The following UBTF variants were observed in gnomAD, a reference collection of about 807,000 sequenced individuals.
The protein encoded by UBTF is nucleolar transcription factor 1.
In UBTF, 8 loss-of-function variants were observed where a neutral mutation model predicts 112.3. That is an observed-to-expected ratio of 0.07 (90% CI 0.04 to 0.13). The LOEUF (loss-of-function observed/expected upper bound fraction) is 0.13. Ranked by LOEUF, UBTF falls within the 10% of genes least tolerant of loss-of-function variation. UBTF has a pLI of 1.00. For missense variants in UBTF, 457 were observed against 982.1 expected, an observed-to-expected ratio of 0.47 and a Z score of 7.15; for synonymous variants, 417 against 373.1, an observed-to-expected ratio of 1.12 and a Z score of -1.36.
In UBTF at chr17:44,207,846, C is replaced by A. The variant is rs1207371536; in HGVS notation, c.1953+18G>T. The A allele has an allele frequency of 6.2e-7, 1 of 1,614,156 alleles. No individual in the cohort carries two copies. Among genetic ancestry groups the A allele is most frequent in the East Asian group, 2.2e-5 (1 of 44,882 alleles). On this transcript the variant is annotated intron_variant, in intron 18 of 20. Transcript: ENST00000436088. Reference sequence around the variant, plus strand: ...TTCCCCCACCCCTACCCCACTGCTGCTCTGCTCCCAGACTCACATTGGAGA... The same window carrying A: ...TTCCCCCACCCCTACCCCACTGCTGATCTGCTCCCAGACTCACATTGGAGA...
chr17:44,218,267 CGGGCA>C lies in UBTF; in HGVS notation c.-43_-39del. 6.2e-7 allele frequency: 1 copy of C among 1,609,034 alleles called. No homozygotes were observed. On this transcript the variant is annotated 5_prime_UTR_variant, in exon 2 of 21. Coordinates refer to ENST00000436088, the MANE Select transcript of UBTF (RefSeq NM_014233.4). The stretch of plus-strand genomic sequence containing the variant: ...CAGCCACCTCCTCGGTCGTGCTGGC[CGGGCA>C]ACCCGGGGTCAAAGCCACCTCACCC...
chr17:44,210,669 C>T, intron 13 of UBTF, 123 bp downstream of exon 13: 1 of 1,414,868 alleles, frequency 7.1e-7, no homozygotes, highest in Non-Finnish European at 9.3e-7. Context: ...GCGCCGGCCC[C>T]ACGTCCCAGC....
intron 5 of UBTF, 73 bp downstream of exon 5, chr17:44,215,581 C>T (rs2046808358): frequency 1.3e-6 from 2 of 1,583,348 alleles, no homozygotes; most frequent in Non-Finnish European, 1.7e-6. Context: ...CAAGGCCTAC[C>T]TCCAACTGAC....
At chr17:44,212,692 A>C in intron 7 of UBTF, 127 bp downstream of exon 7, 1 of 1,511,564 alleles carries the variant, frequency 6.6e-7, no homozygotes, top group Non-Finnish European at 9.0e-7. Context: ...GGCCCTGTCC[A>C]TGCAGCCCAC....
chr17:44,210,399 C>CCGTTCCTCG lies in UBTF; in HGVS notation c.1425_1433dup (p.Glu476_Arg478dup). On this transcript the variant is annotated inframe_insertion, in exon 14 of 21. Transcript: ENST00000436088. ...TTTTGGGGGACTCGGGCAGCTTGCC[C>CCGTTCCTCG]CGTTCCTCGCGCTCCCCGCCGGGCT... 1 of 1,614,154 alleles carries CCGTTCCTCG rather than the reference C, an allele frequency of 6.2e-7. No individual in the cohort carries two copies.
At chr17:44,215,588 T>C in intron 5 of UBTF, 66 bp downstream of exon 5, 1 of 1,591,700 alleles carries the variant, frequency 6.3e-7, no homozygotes, top group Non-Finnish European at 8.6e-7. Context: ...TACCTCCAAC[T>C]GACCCACACC....
chr17:44,212,708 G>C, intron 7 of UBTF, 111 bp downstream of exon 7: 2 of 1,541,644 alleles, frequency 1.3e-6, no homozygotes, highest in Non-Finnish European at 1.8e-6. Context: ...CCCACCCCTG[G>C]GGAGGGGCCT....
At position 44,206,577 on chromosome 17, in the gene UBTF, G is replaced by A. The variant is rs949509556; in HGVS notation, c.*665C>T. The A allele has an allele frequency of 1.4e-5, 2 of 145,268 alleles. No homozygotes were observed. Among genetic ancestry groups the A allele is most frequent in the African/African-American group, 5.2e-5 (2 of 38,700 alleles). 9.0% of individuals were successfully genotyped at this position (145,268 alleles called of 1,614,324 possible). On this transcript the variant is annotated 3_prime_UTR_variant, in exon 21 of 21. Coordinates refer to ENST00000436088, the MANE Select transcript of UBTF (RefSeq NM_014233.4). ...CCTCCCTCTCCCAGAAATGACAACAGAGACGGCAGCCGAGATCGGTAGGAA... is the reference window on the plus strand; with the variant it reads ...CCTCCCTCTCCCAGAAATGACAACAAAGACGGCAGCCGAGATCGGTAGGAA...
chr17:44,210,485 G>T lies in UBTF; in HGVS notation c.1360-12C>A. 2 of 1,588,028 alleles carry T rather than the reference G, an allele frequency of 1.3e-6. No individual in the cohort carries two copies. Among genetic ancestry groups the T allele is most frequent in the South Asian group, 2.3e-5 (2 of 88,878 alleles). On this transcript the variant is annotated splice_polypyrimidine_tract_variant and intron_variant, in intron 13 of 20. Coordinates refer to ENST00000436088, the MANE Select transcript of UBTF (RefSeq NM_014233.4). ...GCCTTGTACTTGGCCTGCGGGGATG[G>T]CCCGGGCGTCAGCCTTCCACCCACC...
rs895990181 is a variant in UBTF at position 44,206,779 on chromosome 17, C to T, written c.*463G>A. On this transcript the variant is annotated 3_prime_UTR_variant, in exon 21 of 21. Coordinates refer to ENST00000436088, the MANE Select transcript of UBTF (RefSeq NM_014233.4). ...CACCGACCCTCCTCCTCCCCATGTT[C>T]CCTGCCTCCAGTTCCAATGCAGGGG... The T allele has an allele frequency of 6.2e-5, 12 of 193,666 alleles. No homozygotes were observed. Among genetic ancestry groups the T allele is most frequent in the Admixed American group, 2.8e-4 (5 of 17,772 alleles). The allele number at this position is 193,666 out of a possible 1,614,324, so 12.0% of individuals were successfully genotyped here. A position where few individuals can be genotyped will look rare whatever the true frequency, so the allele number is the denominator to read the frequency against.
chr17:44,216,219 G>A, intron 3 of UBTF: 1 of 604,310 alleles, frequency 1.7e-6, no homozygotes, highest in Non-Finnish European at 2.9e-6. Context: ...GCAACAAGGG[G>A]ACTAACTGAC....
rs2056207240 is a variant in UBTF at position 44,205,737 on chromosome 17, G to A, written c.*1505C>T. The A allele has an allele frequency of 6.6e-6, 1 of 152,208 alleles. No homozygotes were observed. Among genetic ancestry groups the A allele is most frequent in the African/African-American group, 2.4e-5 (1 of 41,436 alleles). The allele number at this position is 152,208 out of a possible 1,614,324, so 9.4% of individuals were successfully genotyped here. A position where few individuals can be genotyped will look rare whatever the true frequency, so the allele number is the denominator to read the frequency against. ...GAGGGGGAAGGTGGAAAAGCACCAAGCCCCAATTTAATAGGTCAGTGACAT... is the reference window on the plus strand; with the variant it reads ...GAGGGGGAAGGTGGAAAAGCACCAAACCCCAATTTAATAGGTCAGTGACAT... On this transcript the variant is annotated 3_prime_UTR_variant, in exon 21 of 21. Transcript: ENST00000436088.
At chr17:44,216,939 G>T (rs1333658029) in intron 2 of UBTF, among the ~76,000 whole-genome samples, 1 of 152,230 alleles carries the variant, frequency 6.6e-6, no homozygotes, top group Non-Finnish European at 1.5e-5. Context: ...TCGAACTCAA[G>T]TCTGGCTTGC....
At chr17:44,219,846 C>T (rs892605841), upstream of UBTF, 10 of 150,754 alleles carry the variant, frequency 6.6e-5, no homozygotes, top group African/African-American at 2.2e-4. Context: ...CGAGCGCGTC[C>T]TTCCCCGTAG....
In UBTF at chr17:44,210,418, C is replaced by A; in HGVS notation, c.1415G>T (p.Gly472Val). The A allele has an allele frequency of 1.2e-6, 2 of 1,614,090 alleles. No individual in the cohort carries two copies. The highest frequency in any genetic ancestry group is 1.7e-6 in the Non-Finnish European group (2 of 1,180,036). ...ALKAQSERKPGGEREERGKLP... is the reference protein window; with the variant it reads ...ALKAQSERKPVGEREERGKLP... ...CTTGCCCCGTTCCTCGCGCTCCCCG[C>A]CGGGCTTCCTCTCCGACTGAGCCTT... The change falls in exon 14 of 21, where the codon GGC becomes GTC. Residue 472 changes from glycine to valine, a missense_variant. By Grantham distance (109) the Gly-to-Val change is moderately radical. Around this residue, in one of 7 missense-constraint regions of UBTF, gnomAD observed 108 missense variants for 137.4 expected, o/e 0.79. Transcript: ENST00000436088.
chr17:44,207,976 C>T (rs1003091048), intron 17 of UBTF, 65 bp from the exon 18 acceptor site: 34 of 1,604,220 alleles, frequency 2.1e-5, no homozygotes, highest in Non-Finnish European at 2.8e-5. Flanking sequence ...GCATGCTGGC[C>T]CAGTGCTAGG....
upstream of UBTF, among the ~76,000 whole-genome samples, chr17:44,220,125 G>A (rs1423645577): frequency 6.7e-6 from 1 of 148,780 alleles, no homozygotes. Flanking sequence ...CAGCCGCCCG[G>A]ATGGCGGCGG....
At position 44,211,156 on chromosome 17, in the gene UBTF, G is replaced by A. The variant is rs1243721295; in HGVS notation, c.1090-4C>T. The A allele has an allele frequency of 1.2e-6, 2 of 1,613,078 alleles. No individual in the cohort carries two copies. Among genetic ancestry groups the A allele is most frequent in the African/African-American group, 1.3e-5 (1 of 75,064 alleles). ...GCTGCTCCTCCTCAGGCAGGCTCTG[G>A]ACAGGAAAGAGGAGCACGGGGCTGC... On this transcript the variant is annotated splice_polypyrimidine_tract_variant and splice_region_variant and intron_variant, in intron 11 of 20. Coordinates refer to ENST00000436088, the MANE Select transcript of UBTF (RefSeq NM_014233.4). This position sits in a 1 kb window ranked among gnomAD's most constrained non-coding sequence, Gnocchi z 4.9.
chr17:44,217,237 C>T (rs534020930), intron 2 of UBTF, among the ~76,000 whole-genome samples: 3 of 152,262 alleles, frequency 2.0e-5, no homozygotes, highest in African/African-American at 7.2e-5. Context: ...TAGAGACACC[C>T]ACCACCCCCT....
Sources: allele counts gnomAD v4.1 joint callset (sites outside exome capture counted in the v4.1 genomes callset), GRCh38; gene constraint gnomAD v4.1.1; regional missense constraint gnomAD v4.1.1; non-coding constraint Gnocchi (gnomAD v3.1); transcripts MANE v1.5; gene names NCBI Gene and HGNC (gene_info 2026-07-23, HGNC 2026-07-21).